IQCH: variants seen among roughly 807,000 people sequenced by gnomAD.
IQCH encodes IQ domain-containing protein H.
IQCH carries 98 observed loss-of-function variants against 117.0 expected under a neutral mutation model. The ratio of observed to expected loss-of-function variants is 0.84; its 90% CI spans 0.71 to 0.99. IQCH has a LOEUF of 0.99. Among genes scored for constraint, IQCH ranks in the 50% least tolerant of loss-of-function variants. IQCH has a pLI of 0.00. For synonymous variants in IQCH, 412 were observed against 448.2 expected, an observed-to-expected ratio of 0.92 and a Z score of 1.02; for missense variants, 1,102 against 1,243.8, an observed-to-expected ratio of 0.89 and a Z score of 1.72.
intron 17 of IQCH, among the ~76,000 whole-genome samples, chr15:67,471,018 A>G (rs1285287318): frequency 1.3e-5 from 2 of 151,950 alleles, no homozygotes; most frequent in African/African-American, 4.8e-5. Flanking sequence ...CTTTTTTTTC[A>G]GATTCAGACA....
rs1411829111 is a variant in IQCH, at chr15:67,445,255, G to GT, written c.2506-19868dup. Among the ~76,000 whole-genome samples, 1 of 152,064 alleles carries GT rather than the reference G, an allele frequency of 6.6e-6. No individual in the cohort carries two copies. The highest frequency in any genetic ancestry group is 1.9e-4 in the East Asian group (1 of 5,192). On this transcript the variant is annotated intron_variant, in intron 16 of 20. Coordinates refer to ENST00000335894, the MANE Select transcript of IQCH (RefSeq NM_001031715.3). This position sits in a 1 kb window ranked among gnomAD's most constrained non-coding sequence, Gnocchi z 4.3. ...ATGAATCTTTTGCATAAATGGAACT[G>GT]TTTTAGCAATATGTATATTCCTTTA...
chr15:67,266,950 C>T (rs187979604), intron 3 of IQCH, among the ~76,000 whole-genome samples: 22 of 152,272 alleles, frequency 1.4e-4, no homozygotes, highest in East Asian at 3.9e-4. Flanking sequence ...AAGACACGTA[C>T]GTTTTTTCAG....
Position 67,454,336 on chromosome 15 carries a change from T to C in IQCH, c.2506-10791T>C, listed in dbSNP as rs1039671331. Among the ~76,000 whole-genome samples, 1 of 152,268 alleles carries C rather than the reference T, an allele frequency of 6.6e-6. No homozygotes were observed. The highest frequency in any genetic ancestry group is 2.1e-4 in the South Asian group (1 of 4,834). On this transcript the variant is annotated intron_variant, in intron 16 of 20. Coordinates refer to ENST00000335894, the MANE Select transcript of IQCH (RefSeq NM_001031715.3). This position sits in a 1 kb window ranked among gnomAD's most constrained non-coding sequence, Gnocchi z 5.2. ...TCTGCGTCGCTCACGCTGGGAGCTG[T>C]AGACCGGAGCTGTTCGTATTCGGCC...
At position 67,395,266 on chromosome 15, in the gene IQCH, CAAG is replaced by C; in HGVS notation, c.1633-22_1633-20del. On this transcript the variant is annotated intron_variant, in intron 12 of 20. Coordinates refer to ENST00000335894, the MANE Select transcript of IQCH (RefSeq NM_001031715.3). The surrounding 1 kb of genome is among the most constrained non-coding windows in gnomAD (Gnocchi z 4.0). ...GACTAGAAAAAAGGACACCTTTTAA[CAAG>C]AATAATATGATCTTCCCCCAGAAGC... The C allele has an allele frequency of 6.3e-7, 1 of 1,596,744 alleles. No homozygotes were observed. Among genetic ancestry groups the C allele is most frequent in the Non-Finnish European group, 8.5e-7 (1 of 1,170,532 alleles).
At position 67,381,979 on chromosome 15, in the gene IQCH, C is replaced by T. The variant is rs76427855; in HGVS notation, c.1373-2957C>T. Among the ~76,000 whole-genome samples the T allele has an allele frequency of 7.0e-6, 1 of 142,474 alleles. No homozygotes were observed. The highest frequency in any genetic ancestry group is 1.5e-5 in the Non-Finnish European group (1 of 64,808). The allele number at this position is 142,474 out of a possible 152,430, so 93.5% of individuals were successfully genotyped here. ...CCTGGGCAACAGAGTGATACCCTGT[C>T]AAAAAAAAAAAAAGAATTAAAAGAT... On this transcript the variant is annotated intron_variant, in intron 10 of 20. Transcript: ENST00000335894. The surrounding 1 kb of genome is among the most constrained non-coding windows in gnomAD (Gnocchi z 5.1).
chr15:67,423,021 A>C (rs2081789106), intron 16 of IQCH, among the ~76,000 whole-genome samples: 1 of 152,202 alleles, frequency 6.6e-6, no homozygotes, highest in Non-Finnish European at 1.5e-5. Flanking sequence ...TTTCAAAGTG[A>C]GAGTTTATGT....
chr15:67,416,736 G>A lies in IQCH; in HGVS notation c.2098-195G>A, dbSNP rs1002448498. 3.3e-5 allele frequency among the ~76,000 whole-genome samples: 5 copies of A among 152,148 alleles called. No individual in the cohort carries two copies. The highest frequency in any genetic ancestry group is 1.9e-4 in the East Asian group (1 of 5,180). ...AGGAACAATTAAGAATTTTTAGGGC[G>A]CCAAATCACTTTTGAAATATGAAAA... On this transcript the variant is annotated intron_variant, in intron 14 of 20. Transcript: ENST00000335894. This position sits in a 1 kb window ranked among gnomAD's most constrained non-coding sequence, Gnocchi z 5.1.
At position 67,422,263 on chromosome 15, in the gene IQCH, A is replaced by G. The variant is rs2081768990; in HGVS notation, c.2505+686A>G. On this transcript the variant is annotated intron_variant, in intron 16 of 20. Coordinates refer to ENST00000335894, the MANE Select transcript of IQCH (RefSeq NM_001031715.3). This position sits in a 1 kb window ranked among gnomAD's most constrained non-coding sequence, Gnocchi z 4.7. ...AGAGCCTGTTTTATATAGAAAATCA[A>G]TCACTAGAAAGGAGTTAAGAGTTCA... Among the ~76,000 whole-genome samples the G allele has an allele frequency of 6.6e-6, 1 of 152,182 alleles. No individual in the cohort carries two copies.
chr15:67,318,274 CT>C (rs1967945211), intron 4 of IQCH, among the ~76,000 whole-genome samples: 1 of 152,022 alleles, frequency 6.6e-6, no homozygotes. Context: ...TCTTTCTCTT[CT>C]CCCTCTCCAC....
intron 8 of IQCH, chr15:67,371,502 C>T: frequency 6.3e-7 from 1 of 1,592,884 alleles, no homozygotes; most frequent in Non-Finnish European, 8.5e-7. Context: ...AATAAAAGAA[C>T]ACGTGTCAAG....
In IQCH at chr15:67,357,472, T is replaced by C. The variant is rs771363943; in HGVS notation, c.714+51T>C. On this transcript the variant is annotated intron_variant, in intron 7 of 20. Transcript: ENST00000335894. ...GAAAATTATTCTTATTTACAGCACTTTCTGTGAGATATTTGGTGATTTACA... is the reference window on the plus strand; with the variant it reads ...GAAAATTATTCTTATTTACAGCACTCTCTGTGAGATATTTGGTGATTTACA... 4 of 1,145,800 alleles carry C rather than the reference T, an allele frequency of 3.5e-6. No homozygotes were observed. The East Asian group carries it at 9.5e-5, about 27-fold the overall frequency. 71.0% of individuals were successfully genotyped at this position (1,145,800 alleles called of 1,614,324 possible).
Position 67,445,435 on chromosome 15 carries a change from G to T in IQCH, c.2506-19692G>T. 6.7e-6 allele frequency among the ~76,000 whole-genome samples: 1 copy of T among 149,012 alleles called. No homozygotes were observed. Among genetic ancestry groups the T allele is most frequent in the South Asian group, 2.2e-4 (1 of 4,628 alleles). ...TCCCACCCCAGAGTACCTACCTCAT[G>T]TCTGGTTTTTTTGTTTGTTTTTGAG... On this transcript the variant is annotated intron_variant, in intron 16 of 20. Transcript: ENST00000335894. The surrounding 1 kb of genome is among the most constrained non-coding windows in gnomAD (Gnocchi z 4.3).
intron 6 of IQCH, among the ~76,000 whole-genome samples, chr15:67,353,339 AT>A (rs1279427498): frequency 7.1e-6 from 1 of 141,296 alleles, no homozygotes; most frequent in African/African-American, 2.6e-5. Flanking sequence ...TGGCTTCTTT[AT>A]TTTTTTATTT....
rs2140832301 is a variant in IQCH at position 67,385,796 on chromosome 15, G to A, written c.1456+777G>A. ...TCAAGGTTACACAAAAATTAGATTT[G>A]TATTAGTTACCAAATAAGAACTTCT... On this transcript the variant is annotated intron_variant, in intron 11 of 20. Transcript: ENST00000335894. This position sits in a 1 kb window ranked among gnomAD's most constrained non-coding sequence, Gnocchi z 4.6. Among the ~76,000 whole-genome samples the A allele has an allele frequency of 6.6e-6, 1 of 152,256 alleles. No individual in the cohort carries two copies. The highest frequency in any genetic ancestry group is 2.1e-4 in the South Asian group (1 of 4,826).
At chr15:67,483,060 C>T (rs1420043913) in intron 18 of IQCH, among the ~76,000 whole-genome samples, 1 of 152,220 alleles carries the variant, frequency 6.6e-6, no homozygotes, top group African/African-American at 2.4e-5. Context: ...CACTCCTGGT[C>T]ACCTTTCTTA....
In IQCH at chr15:67,425,341, C is replaced by T. The variant is rs537464969; in HGVS notation, c.2505+3764C>T. 2.0e-5 allele frequency among the ~76,000 whole-genome samples: 3 copies of T among 152,260 alleles called. No individual in the cohort carries two copies. The highest frequency in any genetic ancestry group is 3.9e-4 in the East Asian group (2 of 5,188). Reference sequence around the variant, plus strand: ...AAAAATTACTATTTCTGGCCAGGTGCGGTGGCTCACGCCTGTAATCCCAGC... The same window carrying T: ...AAAAATTACTATTTCTGGCCAGGTGTGGTGGCTCACGCCTGTAATCCCAGC... On this transcript the variant is annotated intron_variant, in intron 16 of 20. Coordinates refer to ENST00000335894, the MANE Select transcript of IQCH (RefSeq NM_001031715.3). This position sits in a 1 kb window ranked among gnomAD's most constrained non-coding sequence, Gnocchi z 5.5.
chr15:67,273,954 A>C (rs1040631608), intron 3 of IQCH, among the ~76,000 whole-genome samples: 3 of 152,328 alleles, frequency 2.0e-5, no homozygotes, highest in Middle Eastern at 6.8e-3. Context: ...CTTCGAAGGC[A>C]GCTTTTTTCT....
intron 4 of IQCH, among the ~76,000 whole-genome samples, chr15:67,331,203 G>A (rs1163086417): frequency 6.6e-6 from 1 of 152,168 alleles, no homozygotes; most frequent in African/African-American, 2.4e-5. Context: ...AGGGGAAATG[G>A]AAGGGAGAAT....
intron 4 of IQCH, among the ~76,000 whole-genome samples, chr15:67,281,247 G>A (rs1244633362): frequency 6.6e-6 from 1 of 152,104 alleles, no homozygotes; most frequent in African/African-American, 2.4e-5. Context: ...CTAGGGTGTG[G>A]GCCATAGGCT....
Sources: allele counts gnomAD v4.1 joint callset (sites outside exome capture counted in the v4.1 genomes callset), GRCh38; gene constraint gnomAD v4.1.1; non-coding constraint Gnocchi (gnomAD v3.1); transcripts MANE v1.5; gene names NCBI Gene and HGNC (gene_info 2026-07-23, HGNC 2026-07-21).